BCAS3: variants seen among roughly 807,000 people sequenced by gnomAD.
BCAS3 encodes the protein BCAS3 microtubule associated cell migration factor, also known as BCAS4/BCAS3 fusion.
Under a neutral mutation model 116.1 loss-of-function variants are expected in BCAS3, and 53 were observed. The observed-to-expected ratio is 0.46, with a 90% CI of 0.37 to 0.57. The LOEUF (loss-of-function observed/expected upper bound fraction) is 0.57. Among genes scored for constraint, BCAS3 ranks in the 20% least tolerant of loss-of-function variants. The pLI is 0.00. For missense variants in BCAS3, 917 were observed against 1,165.4 expected, an observed-to-expected ratio of 0.79 and a Z score of 3.10; for synonymous variants, 391 against 408.2, an observed-to-expected ratio of 0.96 and a Z score of 0.51.
At chr17:61,223,344 A>C (rs954097590) in intron 22 of BCAS3, among the ~76,000 whole-genome samples, 1 of 151,856 alleles carries the variant, frequency 6.6e-6, no homozygotes, top group Non-Finnish European at 1.5e-5. Context: ...TATTTAGTAG[A>C]GATGGGGTTT....
At chr17:60,863,524 C>A (rs1377697966) in intron 7 of BCAS3, among the ~76,000 whole-genome samples, 1 of 151,720 alleles carries the variant, frequency 6.6e-6, no homozygotes, top group African/African-American at 2.4e-5. Flanking sequence ...AGGTGGGGGG[C>A]TTGCTTGAAG....
chr17:60,710,652 T>G (rs188608404), intron 5 of BCAS3, among the ~76,000 whole-genome samples: 1 of 151,898 alleles, frequency 6.6e-6, no homozygotes, highest in East Asian at 1.9e-4. Flanking sequence ...AGGATGATCT[T>G]GATCTGCTGA....
chr17:61,199,599 C>A lies in BCAS3; in HGVS notation c.2425+115035C>A, dbSNP rs745982448. Reference sequence around the variant, plus strand: ...GAACTGGGATAATAACTGTGATGAACAAGTTATTCAAGAAATACTTGCAAG... The same window carrying A: ...GAACTGGGATAATAACTGTGATGAAAAAGTTATTCAAGAAATACTTGCAAG... On this transcript the variant is annotated intron_variant, in intron 22 of 23. Transcript: ENST00000407086. The surrounding 1 kb of genome is among the most constrained non-coding windows in gnomAD (Gnocchi z 4.6). Among the ~76,000 whole-genome samples, 6 of 152,128 alleles carry A rather than the reference C, an allele frequency of 3.9e-5. No homozygotes were observed. The highest frequency in any genetic ancestry group is 4.8e-5 in the African/African-American group (2 of 41,434).
chr17:61,261,512 A>C lies in BCAS3; in HGVS notation c.2426-106815A>C, dbSNP rs1401757486. Among the ~76,000 whole-genome samples, 1 of 152,024 alleles carries C rather than the reference A, an allele frequency of 6.6e-6. No individual in the cohort carries two copies. Among genetic ancestry groups the C allele is most frequent in the Non-Finnish European group, 1.5e-5 (1 of 68,016 alleles). ...TTGTCCACATCTGTTTTCCAACCTC[A>C]TTACTCTTCTGTTATTACATTCATT... On this transcript the variant is annotated intron_variant, in intron 22 of 23. Coordinates refer to ENST00000407086, the MANE Select transcript of BCAS3 (RefSeq NM_017679.5). This position sits in a 1 kb window ranked among gnomAD's most constrained non-coding sequence, Gnocchi z 4.4.
intron 7 of BCAS3, among the ~76,000 whole-genome samples, chr17:60,822,684 T>C (rs2050066773): frequency 6.6e-6 from 1 of 152,218 alleles, no homozygotes; most frequent in Non-Finnish European, 1.5e-5. Flanking sequence ...ATGTACAGTT[T>C]CCAATTACTG....
chr17:61,037,656 C>A lies in BCAS3; in HGVS notation c.1763-233C>A, dbSNP rs1172491606. 6.6e-6 allele frequency among the ~76,000 whole-genome samples: 1 copy of A among 152,064 alleles called. No individual in the cohort carries two copies. Among genetic ancestry groups the A allele is most frequent in the African/African-American group, 2.4e-5 (1 of 41,390 alleles). On this transcript the variant is annotated intron_variant, in intron 17 of 23. Transcript: ENST00000407086. This position sits in a 1 kb window ranked among gnomAD's most constrained non-coding sequence, Gnocchi z 4.7. The stretch of plus-strand genomic sequence containing the variant: ...GTGTGGTGACAGGAGCCTGTAATCC[C>A]AGCTACTCAAGAGGCTGAGGCGGGA...
rs572308823 is a variant in BCAS3 at position 60,930,512 on chromosome 17, A to C, written c.1087+6012A>C. On this transcript the variant is annotated intron_variant, in intron 13 of 23. Coordinates refer to ENST00000407086, the MANE Select transcript of BCAS3 (RefSeq NM_017679.5). ...TGCTCTGTTGCCCAGGCTGGAGTGC[A>C]GTAGTGTGATCTCGGCTCACCACAA... Among the ~76,000 whole-genome samples the C allele has an allele frequency of 3.3e-5, 5 of 152,300 alleles. No homozygotes were observed. The South Asian group carries it at 1.0e-3, about 32-fold the overall frequency.
Position 61,032,238 on chromosome 17 carries a change from A to G in BCAS3, c.1638-2428A>G, listed in dbSNP as rs1451637948. 6.6e-6 allele frequency among the ~76,000 whole-genome samples: 1 copy of G among 152,156 alleles called. No homozygotes were observed. Among genetic ancestry groups the G allele is most frequent in the Non-Finnish European group, 1.5e-5 (1 of 67,994 alleles). On this transcript the variant is annotated intron_variant, in intron 16 of 23. Coordinates refer to ENST00000407086, the MANE Select transcript of BCAS3 (RefSeq NM_017679.5). The surrounding 1 kb of genome is among the most constrained non-coding windows in gnomAD (Gnocchi z 4.6). ...TTACTTACCACATGATTTAAAAACA[A>G]CAACAATGACATCCAGTAATTTGCA...
At chr17:61,052,456 CACG>C (rs2068947147) in intron 19 of BCAS3, among the ~76,000 whole-genome samples, 1 of 152,012 alleles carries the variant, frequency 6.6e-6, no homozygotes, top group African/African-American at 2.4e-5. Flanking sequence ...CCATAGGCAG[CACG>C]ACGTGTTAGA....
In BCAS3 at chr17:60,891,613, G is replaced by T. The variant is rs535594207; in HGVS notation, c.738+1842G>T. The T allele has an allele frequency of 8.9e-6, 4 of 449,198 alleles. No homozygotes were observed. The Admixed American group carries it at 9.6e-5, about 11-fold the overall frequency. 27.8% of individuals were successfully genotyped at this position (449,198 alleles called of 1,614,324 possible). A position where few individuals can be genotyped will look rare whatever the true frequency, so the allele number is the denominator to read the frequency against. On this transcript the variant is annotated intron_variant, in intron 10 of 23. Coordinates refer to ENST00000407086, the MANE Select transcript of BCAS3 (RefSeq NM_017679.5). The stretch of plus-strand genomic sequence containing the variant: ...TTTTGGGGTACCAGTCTCTTTCAGT[G>T]AAAATGCTCTTTGACTATAAAATCT...
intron 4 of BCAS3, among the ~76,000 whole-genome samples, chr17:60,707,709 A>T (rs112738270): frequency 5.7e-5 from 1 of 17,548 alleles, no homozygotes; most frequent in Non-Finnish European, 0.1. Context: ...TAAAAATAAA[A>T]TAACTATTGC....
At chr17:60,869,119 A>C (rs1470869783) in intron 8 of BCAS3, among the ~76,000 whole-genome samples, 3 of 152,232 alleles carry the variant, frequency 2.0e-5, no homozygotes, top group Non-Finnish European at 4.4e-5. Flanking sequence ...GCTTTAAAAT[A>C]TTTTTATTCC....
chr17:61,195,822 G>T (rs546471448), intron 22 of BCAS3, among the ~76,000 whole-genome samples: 1 of 152,168 alleles, frequency 6.6e-6, no homozygotes, highest in African/African-American at 2.4e-5. Context: ...CTACAGTTAT[G>T]CACAGATTAA....
In BCAS3 at chr17:61,063,656, G is replaced by A. The variant is rs564806939; in HGVS notation, c.2030-11264G>A. 2.2e-4 allele frequency among the ~76,000 whole-genome samples: 33 copies of A among 152,304 alleles called. No individual in the cohort carries two copies. The highest frequency in any genetic ancestry group is 7.5e-4 in the African/African-American group (31 of 41,568). Reference sequence around the variant, plus strand: ...GAAAGCTTTGCTGTAGTCTGCAGCTGATCTGGGTGCAATGCTTTAGGCACC... The same window carrying A: ...GAAAGCTTTGCTGTAGTCTGCAGCTAATCTGGGTGCAATGCTTTAGGCACC... On this transcript the variant is annotated intron_variant, in intron 19 of 23. Coordinates refer to ENST00000407086, the MANE Select transcript of BCAS3 (RefSeq NM_017679.5). The surrounding 1 kb of genome is among the most constrained non-coding windows in gnomAD (Gnocchi z 5.3).
chr17:61,288,467 T>C (rs763811076), intron 22 of BCAS3, among the ~76,000 whole-genome samples: 10 of 152,190 alleles, frequency 6.6e-5, no homozygotes, highest in Non-Finnish European at 1.3e-4. Flanking sequence ...TGCTATAGAT[T>C]GTCCTAGCTT....
intron 15 of BCAS3, among the ~76,000 whole-genome samples, chr17:60,999,465 C>T (rs781330250): frequency 4.6e-5 from 7 of 150,712 alleles, no homozygotes; most frequent in African/African-American, 1.5e-4. Flanking sequence ...CACCTGAACC[C>T]GCGAGCTGAA....
At position 61,241,612 on chromosome 17, in the gene BCAS3, G is replaced by A. The variant is rs1266703162; in HGVS notation, c.2426-126715G>A. Among the ~76,000 whole-genome samples the A allele has an allele frequency of 7.9e-5, 12 of 151,788 alleles. No homozygotes were observed. Among genetic ancestry groups the A allele is most frequent in the African/African-American group, 2.2e-4 (9 of 41,306 alleles). ...CGGGTGCCTGTAGTCCCAGCTACTC[G>A]GGAGGATGAGGCAGGAAAATGGCGT... On this transcript the variant is annotated intron_variant, in intron 22 of 23. Transcript: ENST00000407086. This position sits in a 1 kb window ranked among gnomAD's most constrained non-coding sequence, Gnocchi z 4.6.
intron 14 of BCAS3, among the ~76,000 whole-genome samples, chr17:60,976,978 C>T (rs1015158361): frequency 1.3e-5 from 2 of 152,074 alleles, no homozygotes; most frequent in African/African-American, 4.8e-5. Context: ...GGGTGGTGGC[C>T]GGACAGAGGG....
In BCAS3 at chr17:61,128,500, G is replaced by T. The variant is rs1023262233; in HGVS notation, c.2425+43936G>T. On this transcript the variant is annotated intron_variant, in intron 22 of 23. Coordinates refer to ENST00000407086, the MANE Select transcript of BCAS3 (RefSeq NM_017679.5). The surrounding 1 kb of genome is among the most constrained non-coding windows in gnomAD (Gnocchi z 4.1). Reference sequence around the variant, plus strand: ...TGTTTTCAAAGACAGAGGTTAACAAGCAATGGACAAACCTTCCGTTCTTCT... The same window carrying T: ...TGTTTTCAAAGACAGAGGTTAACAATCAATGGACAAACCTTCCGTTCTTCT... 8.1e-6 allele frequency: 8 copies of T among 985,232 alleles called. No individual in the cohort carries two copies. The highest frequency in any genetic ancestry group is 5.2e-5 in the African/African-American group (3 of 57,234). 61.0% of individuals were successfully genotyped at this position (985,232 alleles called of 1,614,324 possible).
Sources: gnomAD v4.1 joint callset for allele counts (sites outside exome capture counted in the v4.1 genomes callset) on GRCh38, gnomAD v4.1.1 for gene constraint, Gnocchi (gnomAD v3.1) non-coding constraint, MANE v1.5 for transcripts, NCBI Gene and HGNC (gene_info 2026-07-23, HGNC 2026-07-21) for gene names.